Variants in IL7 observed in about 807,000 individuals in gnomAD.
IL7 encodes interleukin-7.
A neutral mutation model predicts 21.6 loss-of-function variants in IL7; 3 were observed. The ratio of observed to expected loss-of-function variants is 0.14; its 90% CI spans 0.06 to 0.36. The LOEUF is 0.36. Ranked by LOEUF, IL7 falls within the 10% of genes least tolerant of loss-of-function variation. The probability of loss-of-function intolerance (pLI) is 1.00; values close to 1 mark genes in which losing one functional copy is unlikely to be tolerated. For synonymous variants in IL7, 62 were observed against 68.1 expected (o/e 0.91, Z 0.44); for missense variants, 175 against 200.2 (o/e 0.87, Z 0.76).
chr8:78,784,052 A>C (rs755146180), intron 2 of IL7, among the ~76,000 whole-genome samples: 5 of 152,240 alleles, frequency 3.3e-5, no homozygotes, highest in Non-Finnish European at 7.3e-5. Context: ...TAATGATTTT[A>C]AAATGTCACT....
rs566172928 is a variant in IL7 at position 78,770,750 on chromosome 8, G to T, written c.147+27322C>A. On this transcript the variant is annotated intron_variant, in intron 2 of 5. Transcript: ENST00000263851. ...GAGATAGGTAGGAAGATAGTATGTA[G>T]ACAGATACACAAATTATTTCCTTTT... Among the ~76,000 whole-genome samples the T allele has an allele frequency of 6.0e-4, 91 of 152,026 alleles. 2 individuals are homozygous for T. Among genetic ancestry groups the T allele is most frequent in the Admixed American group, 5.5e-3 (84 of 15,242 alleles).
chr8:78,719,255 T>C (rs1811192102), intron 5 of IL7: 1 of 151,736 alleles, frequency 6.6e-6, no homozygotes, highest in African/African-American at 2.4e-5. Flanking sequence ...ACCACATAAT[T>C]CTTTTTGTCT....
At chr8:78,771,173 C>T (rs1450711305) in intron 2 of IL7, among the ~76,000 whole-genome samples, 2 of 139,296 alleles carry the variant, frequency 1.4e-5, no homozygotes, top group South Asian at 2.2e-4. Flanking sequence ...AACCTCCCAA[C>T]GCAATAGACA....
chr8:78,754,380 G>A (rs1376889365), intron 2 of IL7, among the ~76,000 whole-genome samples: 1 of 152,150 alleles, frequency 6.6e-6, no homozygotes, highest in Non-Finnish European at 1.5e-5. Context: ...ACTGCTCAAG[G>A]AAATAAGAGA....
At chr8:78,763,171 GC>G (rs1812636434) in intron 2 of IL7, among the ~76,000 whole-genome samples, 1 of 152,198 alleles carries the variant, frequency 6.6e-6, no homozygotes, top group Admixed American at 6.5e-5. Context: ...CCAATATGCA[GC>G]CCCCTGGACA....
rs572910484 is a variant in IL7 at position 78,701,116 on chromosome 8, A to T, written n.215-15169T>A. ...CATTTTAACAATATTGATTCTCCCT[A>T]TCCATGAGCATGGAATATTTTTTCA... On this transcript the variant is annotated intron_variant and non_coding_transcript_variant, in intron 3 of 4. Coordinates refer to the IL7 transcript ENST00000523959. Among the ~76,000 whole-genome samples the T allele has an allele frequency of 3.3e-5, 5 of 152,294 alleles. No homozygotes were observed. In the South Asian group the frequency reaches 1.0e-3, roughly 32 times the overall value.
intron 3 of IL7, chr8:78,686,460 T>C (rs984583962): frequency 7.1e-7 from 1 of 1,399,314 alleles, no homozygotes; most frequent in African/African-American, 1.5e-5. Flanking sequence ...TATTTATTTA[T>C]TTATAGCCAG....
chr8:78,730,196 G>T (rs924991203), downstream of IL7, among the ~76,000 whole-genome samples: 3 of 151,820 alleles, frequency 2.0e-5, no homozygotes, highest in Admixed American at 2.0e-4. Context: ...TGCCTTTCAA[G>T]AAAAATGTAC....
At position 78,774,162 on chromosome 8, in the gene IL7, T is replaced by C. The variant is rs1813055823; in HGVS notation, c.147+23910A>G. ...TGGATTTCATTACTTATAATAATTT[T>C]CAATGCCTAAGTTTTGAGAAGGCAA... On this transcript the variant is annotated intron_variant, in intron 2 of 5. Transcript: ENST00000263851. Among the ~76,000 whole-genome samples the C allele has an allele frequency of 2.0e-5, 3 of 152,114 alleles. No individual in the cohort carries two copies. In the South Asian group the frequency reaches 6.2e-4, roughly 31 times the overall value.
At chr8:78,717,496 AG>A (rs749610268), downstream of IL7, 10 of 1,488,224 alleles carry the variant, frequency 6.7e-6, no homozygotes, top group East Asian at 2.2e-4. Flanking sequence ...TTCTATGAAT[AG>A]AATCTCAAAA....
intron 3 of IL7, among the ~76,000 whole-genome samples, chr8:78,723,111 ATATTT>A (rs1210982180): frequency 6.7e-6 from 1 of 148,472 alleles, no homozygotes; most frequent in African/African-American, 2.4e-5. Context: ...ATATATATAT[ATATTT>A]AGAAGCCATC....
chr8:78,724,028 A>G (rs553311608), intron 3 of IL7: 19 of 167,532 alleles, frequency 1.1e-4, no homozygotes, highest in African/African-American at 7.2e-5. Flanking sequence ...TGGCCAGCCC[A>G]AACTCACTGG....
At chr8:78,792,165 G>A (rs2583760) in intron 2 of IL7, among the ~76,000 whole-genome samples, 2 of 151,958 alleles carry the variant, frequency 1.3e-5, no homozygotes, top group African/African-American at 4.8e-5. Context: ...TTCAACAAGG[G>A]TGTCCAGACA....
At position 78,753,519 on chromosome 8, in the gene IL7, G is replaced by T. The variant is rs946483519; in HGVS notation, c.148-13437C>A. Among the ~76,000 whole-genome samples the T allele has an allele frequency of 2.0e-5, 3 of 152,114 alleles. No individual in the cohort carries two copies. The South Asian group carries it at 6.2e-4, about 32-fold the overall frequency. On this transcript the variant is annotated intron_variant, in intron 2 of 5. Coordinates refer to ENST00000263851, the MANE Select transcript of IL7 (RefSeq NM_000880.4). ...AATTGCAAACATTTTCTCCCATTCT[G>T]TAGGTAACCTGTTCACTCTGATTAT... is the stretch of plus-strand genomic sequence containing the variant.
intron 2 of IL7, among the ~76,000 whole-genome samples, chr8:78,770,687 GCA>G (rs139393710): frequency 1.2e-4 from 18 of 150,622 alleles, no homozygotes; most frequent in African/African-American, 3.9e-4. Flanking sequence ...GCAAAGACAC[GCA>G]CACACACACA....
At chr8:78,788,063 C>T (rs777471275) in intron 2 of IL7, among the ~76,000 whole-genome samples, 9 of 152,146 alleles carry the variant, frequency 5.9e-5, no homozygotes, top group Non-Finnish European at 1.0e-4. Flanking sequence ...ACTTTTACCT[C>T]ATTATCTTTA....
chr8:78,723,109 A>ATATATATG (rs1811273126), intron 3 of IL7, among the ~76,000 whole-genome samples: 5 of 148,376 alleles, frequency 3.4e-5, no homozygotes, highest in Admixed American at 1.3e-4. Flanking sequence ...ATATATATAT[A>ATATATATG]TATATTTAGA....
intron 2 of IL7, among the ~76,000 whole-genome samples, chr8:78,757,397 G>C (rs1056033773): frequency 2.6e-5 from 4 of 151,880 alleles, no homozygotes; most frequent in Non-Finnish European, 5.9e-5. Context: ...ATACCTGCTA[G>C]GTCCACTTGG....
chr8:78,701,674 C>G (rs2130563344), intron 3 of IL7, among the ~76,000 whole-genome samples: 1 of 152,232 alleles, frequency 6.6e-6, no homozygotes, highest in South Asian at 2.1e-4. Context: ...CCTGCAATAC[C>G]TAGTTTATTG....
Sources: gnomAD v4.1 joint callset for allele counts (sites outside exome capture counted in the v4.1 genomes callset) on GRCh38, gnomAD v4.1.1 for gene constraint, MANE v1.5 for transcripts, NCBI Gene and HGNC (gene_info 2026-07-23, HGNC 2026-07-21) for gene names.